The following TMEM108 variants were observed in gnomAD, a reference collection of about 807,000 sequenced individuals.
TMEM108 encodes the protein transmembrane protein 108.
In TMEM108, 12 loss-of-function variants were observed where a neutral mutation model predicts 35.1. The observed-to-expected ratio is 0.34, with a 90% CI of 0.22 to 0.55. TMEM108 has a LOEUF of 0.55. Among genes scored for constraint, TMEM108 ranks in the 20% least tolerant of loss-of-function variants. The pLI, the probability that TMEM108 is intolerant of heterozygous loss-of-function variation, is 0.89. For synonymous variants in TMEM108, 287 were observed against 308.6 expected (o/e 0.93, Z 0.73); for missense variants, 680 against 753.3 (o/e 0.90, Z 1.14).
At chr3:133,315,420 C>CCTGG (rs2071186177) in intron 3 of TMEM108, among the ~76,000 whole-genome samples, 1 of 152,198 alleles carries the variant, frequency 6.6e-6, no homozygotes, top group Admixed American at 6.5e-5. Flanking sequence ...GAGGACCACA[C>CCTGG]CTGGGTCTGT....
intron 4 of TMEM108, chr3:133,386,703 A>G (rs2107854324): frequency 7.2e-7 from 1 of 1,383,574 alleles, no homozygotes; most frequent in South Asian, 1.8e-5. Context: ...GAAAGGGAAC[A>G]GTTAACATCT....
At chr3:133,201,630 T>C (rs2107827628) in intron 2 of TMEM108, among the ~76,000 whole-genome samples, 1 of 152,320 alleles carries the variant, frequency 6.6e-6, no homozygotes, top group South Asian at 2.1e-4. Context: ...GGACATGAAC[T>C]CATCCTTTTT....
chr3:133,302,322 G>A (rs538845473), intron 3 of TMEM108, among the ~76,000 whole-genome samples: 1 of 152,106 alleles, frequency 6.6e-6, no homozygotes, highest in Admixed American at 6.5e-5. Flanking sequence ...TTACCTAGGA[G>A]GGAATTTACA....
At chr3:133,054,433 G>A (rs1489305299) in intron 2 of TMEM108, among the ~76,000 whole-genome samples, 1 of 152,280 alleles carries the variant, frequency 6.6e-6, no homozygotes, top group East Asian at 1.9e-4. Context: ...ATAATGGCTA[G>A]GTGACTTTCT....
chr3:133,178,382 G>C (rs1945272345), intron 2 of TMEM108, among the ~76,000 whole-genome samples: 1 of 152,140 alleles, frequency 6.6e-6, no homozygotes, highest in African/African-American at 2.4e-5. Flanking sequence ...CAAAGCTGGA[G>C]GCATCATACT....
At chr3:133,245,714 G>A (rs772423307) in intron 3 of TMEM108, among the ~76,000 whole-genome samples, 8 of 152,152 alleles carry the variant, frequency 5.3e-5, no homozygotes, top group Admixed American at 1.3e-4. Context: ...TTTCTCAAGT[G>A]GTCCATATTG....
intron 2 of TMEM108, among the ~76,000 whole-genome samples, chr3:133,205,727 C>G (rs1490103284): frequency 6.6e-6 from 1 of 152,130 alleles, no homozygotes; most frequent in Non-Finnish European, 1.5e-5. Context: ...GGCTGCCCTT[C>G]ACATTTTTTC....
chr3:133,293,540 G>A (rs769540350), intron 3 of TMEM108, among the ~76,000 whole-genome samples: 2 of 151,780 alleles, frequency 1.3e-5, no homozygotes, highest in African/African-American at 2.4e-5. Flanking sequence ...TCCTGGATTC[G>A]AGTGGATCTT....
At chr3:133,171,430 G>T (rs1422776721) in intron 2 of TMEM108, among the ~76,000 whole-genome samples, 2 of 152,184 alleles carry the variant, frequency 1.3e-5, no homozygotes, top group African/African-American at 2.4e-5. Context: ...ATGCTGGAGT[G>T]CAGTGGTGCA....
intron 2 of TMEM108, among the ~76,000 whole-genome samples, chr3:133,086,829 G>C (rs549232938): frequency 3.9e-5 from 6 of 152,224 alleles, no homozygotes; most frequent in Non-Finnish European, 7.3e-5. Context: ...GCATTACATG[G>C]ATGTGTGCGG....
intron 3 of TMEM108, among the ~76,000 whole-genome samples, chr3:133,347,126 C>A (rs2071843387): frequency 6.6e-6 from 1 of 151,992 alleles, no homozygotes; most frequent in African/African-American, 2.4e-5. Context: ...GGTCTTTTGC[C>A]TTTCCATATA....
intron 2 of TMEM108, among the ~76,000 whole-genome samples, chr3:133,144,834 T>C (rs1050642846): frequency 2.6e-5 from 4 of 152,204 alleles, no homozygotes; most frequent in Non-Finnish European, 2.9e-5. Context: ...TCCTGTAAAT[T>C]TGTTTAAGTT....
At chr3:133,159,765 C>T (rs1445446308) in intron 2 of TMEM108, among the ~76,000 whole-genome samples, 2 of 152,180 alleles carry the variant, frequency 1.3e-5, no homozygotes, top group African/African-American at 4.8e-5. Flanking sequence ...GGACTTGAAG[C>T]CAGGCAGTGT....
chr3:133,225,562 G>A (rs1946057629), intron 2 of TMEM108, among the ~76,000 whole-genome samples: 1 of 152,102 alleles, frequency 6.6e-6, no homozygotes, highest in Admixed American at 6.5e-5. Context: ...CCTCACCCTA[G>A]CTGGATTTTG....
rs60991711 is a variant in TMEM108 at position 133,342,555 on chromosome 3, T to TATATATATATATATATATATATACAC, written c.41-37196_41-37195insTATATATATATATATATATATACACA. ...AAAAAGAAAATGTGGTATATATATA[T>TATATATATATATATATATATATACAC]ACACACACACACACAATGGAGTACT... is the stretch of plus-strand genomic sequence containing the variant. On this transcript the variant is annotated intron_variant, in intron 3 of 5. Coordinates refer to ENST00000321871, the MANE Select transcript of TMEM108 (RefSeq NM_023943.4). 6.1e-4 allele frequency among the ~76,000 whole-genome samples: 39 copies of TATATATATATATATATATATATACAC among 63,448 alleles called. 2 individuals carry two copies. The highest frequency in any genetic ancestry group is 3.5e-3 in the South Asian group (6 of 1,716). The allele number at this position is 63,448 out of a possible 152,430, so 41.6% of individuals were successfully genotyped here. A position where few individuals can be genotyped will look rare whatever the true frequency, so the allele number is the denominator to read the frequency against.
intron 2 of TMEM108, among the ~76,000 whole-genome samples, chr3:133,088,081 A>G (rs983061818): frequency 6.6e-6 from 1 of 152,204 alleles, no homozygotes; most frequent in African/African-American, 2.4e-5. Context: ...GGGCCGAAAC[A>G]TTTTAGCCTG....
chr3:133,386,367 G>C, intron 4 of TMEM108: 1 of 1,534,394 alleles, frequency 6.5e-7, no homozygotes, highest in African/African-American at 1.4e-5. Context: ...ATAGTTGTTT[G>C]AAAGGTTGAA....
intron 2 of TMEM108, among the ~76,000 whole-genome samples, chr3:133,151,609 G>T (rs1944802331): frequency 6.6e-6 from 1 of 152,064 alleles, no homozygotes; most frequent in Non-Finnish European, 1.5e-5. Context: ...ATTAAACTAG[G>T]ATTTTAATGC....
chr3:133,387,475 A>G, intron 4 of TMEM108: 1 of 985,468 alleles, frequency 1.0e-6, no homozygotes, highest in Non-Finnish European at 1.2e-6. Flanking sequence ...TCTGACTCCC[A>G]GGCCTTCCCG....
Sources: gnomAD v4.1 joint callset for allele counts (sites outside exome capture counted in the v4.1 genomes callset) on GRCh38, gnomAD v4.1.1 for gene constraint, MANE v1.5 for transcripts, NCBI Gene and HGNC (gene_info 2026-07-23, HGNC 2026-07-21) for gene names.